IGF2R: variants seen among roughly 807,000 people sequenced by gnomAD.
IGF2R encodes insulin like growth factor 2 receptor, also known as cation-independent mannose-6-phosphate receptor.
IGF2R carries 91 observed loss-of-function variants against 270.6 expected under a neutral mutation model. The observed-to-expected ratio is 0.34, with a 90% confidence interval of 0.28 to 0.40. IGF2R has a LOEUF of 0.40. Ranked by LOEUF, IGF2R falls within the 10% of genes least tolerant of loss-of-function variation. The probability of loss-of-function intolerance (pLI) is 1.00; values close to 1 mark genes in which losing one functional copy is unlikely to be tolerated. For synonymous variants in IGF2R, 1,316 were observed against 1,258.9 expected, an observed-to-expected ratio of 1.05 and a Z score of -0.96; for missense variants, 2,805 against 3,188.3, an observed-to-expected ratio of 0.88 and a Z score of 2.90.
chr6:160,028,851 A>G (rs1443276092), intron 6 of IGF2R, among the ~76,000 whole-genome samples: 1 of 149,192 alleles, frequency 6.7e-6, no homozygotes, highest in Admixed American at 6.7e-5. Context: ...TAATTTTGTT[A>G]TCTCATTTAC....
chr6:160,010,811 G>A (rs755398484), intron 4 of IGF2R, 26 bp downstream of exon 4: 2 of 1,279,732 alleles, frequency 1.6e-6, no homozygotes, highest in South Asian at 1.2e-5. Flanking sequence ...CAAATTACAT[G>A]CTTATGAAGT....
rs532337618 is a variant in IGF2R, at chr6:159,987,176, T to C, written c.150-4008T>C. On this transcript the variant is annotated intron_variant, in intron 1 of 47. Transcript: ENST00000356956. ...CTTTAGTTTCAAACATGTGATTTCT[T>C]AAAACTTGTTGTCAGTTATTTATAC... 1.1e-4 allele frequency among the ~76,000 whole-genome samples: 16 copies of C among 152,358 alleles called. No individual in the cohort carries two copies. The South Asian group carries it at 3.3e-3, about 32-fold the overall frequency.
chr6:160,075,771 G>C, intron 35 of IGF2R, 76 bp from the exon 36 acceptor site: 2 of 1,496,512 alleles, frequency 1.3e-6, no homozygotes, highest in Non-Finnish European at 1.8e-6. Context: ...TTGCAATTCT[G>C]TATCAATTCT....
intron 22 of IGF2R, among the ~76,000 whole-genome samples, chr6:160,059,698 C>T (rs923537738): frequency 2.0e-4 from 31 of 152,200 alleles, no homozygotes; most frequent in Non-Finnish European, 3.5e-4. Flanking sequence ...ATGGGACGCC[C>T]GTGGGGGCTC....
Position 160,032,725 on chromosome 6 carries a change from C to T in IGF2R, c.1045+12C>T. ...TGCCCAGAGCGGAGGTAAGCAGGTG[C>T]TTTCTGCCTCCTGGCGCTGCTTAGG... On this transcript the variant is annotated intron_variant, in intron 8 of 47. Transcript: ENST00000356956. The T allele has an allele frequency of 6.2e-7, 1 of 1,612,496 alleles. No individual in the cohort carries two copies. Among genetic ancestry groups the T allele is most frequent in the Non-Finnish European group, 8.5e-7 (1 of 1,179,234 alleles).
At chr6:160,064,977 G>T in intron 29 of IGF2R, 76 bp downstream of exon 29, 1 of 939,666 alleles carries the variant, frequency 1.1e-6, no homozygotes. Flanking sequence ...AGTGGTCTTG[G>T]GTGCAGGGGA....
At chr6:160,043,419 T>G (rs1293353878) in intron 12 of IGF2R, 131 bp downstream of exon 12, 1 of 1,080,546 alleles carries the variant, frequency 9.3e-7, no homozygotes. Flanking sequence ...TGGTAAAAAT[T>G]TTTCATTCAT....
chr6:160,073,084 C>T (rs2115275562), intron 33 of IGF2R, 129 bp from the exon 34 acceptor site: 1 of 1,399,788 alleles, frequency 7.1e-7, no homozygotes. Context: ...ATGGTTAAAG[C>T]CGGATTGGAC....
chr6:160,061,602 A>C lies in IGF2R; in HGVS notation c.3362A>C (p.Tyr1121Ser). The stretch of plus-strand genomic sequence containing the variant: ...GTCGATGGGAGAAAGAGGACTTTCT[A>C]TTTGAGCGTTTGCAATCCTCTCCCT... Reference protein sequence around the residue: ...TSVDGRKRTFYLSVCNPLPYI... With the variant: ...TSVDGRKRTFSLSVCNPLPYI... Residue 1121 changes from tyrosine (Y) to serine (S), a missense_variant, in exon 24 of 48, where the codon TAT (tyrosine) becomes TCT (serine). Physicochemically the swap from Tyr to Ser is moderately radical, Grantham distance 144. Around this residue, in one of 2 missense-constraint regions of IGF2R, gnomAD observed 1,851 missense variants for 2,207.2 expected, o/e 0.84. Coordinates refer to ENST00000356956, the MANE Select transcript of IGF2R (RefSeq NM_000876.4). 6.2e-7 allele frequency: 1 copy of C among 1,614,114 alleles called. No homozygotes were observed. Among genetic ancestry groups the C allele is most frequent in the Non-Finnish European group, 8.5e-7 (1 of 1,179,990 alleles).
intron 44 of IGF2R, chr6:160,095,381 TAGAA>T (rs1779330813): frequency 1.3e-5 from 2 of 152,480 alleles, no homozygotes; most frequent in South Asian, 2.1e-4. Flanking sequence ...GTTTCCAAGT[TAGAA>T]AGATTAGTGT....
rs1779507864 is a variant in IGF2R, at chr6:160,102,477, A to T, written c.6843-42A>T. 4.4e-6 allele frequency: 7 copies of T among 1,594,056 alleles called. No individual in the cohort carries two copies. In the South Asian group the frequency reaches 7.8e-5, roughly 18 times the overall value. On this transcript the variant is annotated intron_variant, in intron 45 of 47. Coordinates refer to ENST00000356956, the MANE Select transcript of IGF2R (RefSeq NM_000876.4). The surrounding 1 kb of genome is among the most constrained non-coding windows in gnomAD (Gnocchi z 4.5). ...CTCAGGTTGTGGCTGTGGCAGCAGG[A>T]CCACCCTGTGACACGGCTCCTTTTC...
intron 10 of IGF2R, among the ~76,000 whole-genome samples, chr6:160,039,975 A>G (rs1279705206): frequency 6.6e-6 from 1 of 152,182 alleles, no homozygotes; most frequent in Admixed American, 6.5e-5. Context: ...ACAGAATTTC[A>G]GCACTGTTTG....
At chr6:160,078,597 C>T (rs375848913) in intron 37 of IGF2R, among the ~76,000 whole-genome samples, 3 of 152,168 alleles carry the variant, frequency 2.0e-5, no homozygotes, top group Non-Finnish European at 2.9e-5. Context: ...CTGCACTTAA[C>T]GCTTTTTGAT....
chr6:160,015,602 T>C (rs1476314299), intron 4 of IGF2R, among the ~76,000 whole-genome samples: 1 of 152,196 alleles, frequency 6.6e-6, no homozygotes, highest in Non-Finnish European at 1.5e-5. Context: ...GAAACTGTAC[T>C]GCAAAGATGT....
Position 160,050,150 on chromosome 6 carries a change from C to T in IGF2R, c.2515-323C>T, listed in dbSNP as rs551744363. On this transcript the variant is annotated intron_variant, in intron 18 of 47. Transcript: ENST00000356956. This position sits in a 1 kb window ranked among gnomAD's most constrained non-coding sequence, Gnocchi z 4.0. ...ATCTTACACGATTATTGAACGAAAG[C>T]CTTATGATTCCAATGCCAGTGATTC... Among the ~76,000 whole-genome samples the T allele has an allele frequency of 5.3e-5, 8 of 152,192 alleles. No homozygotes were observed. Among genetic ancestry groups the T allele is most frequent in the East Asian group, 1.9e-4 (1 of 5,196 alleles).
At position 160,064,828 on chromosome 6, in the gene IGF2R, G is replaced by A. The variant is rs764026914; in HGVS notation, c.4042G>A (p.Asp1348Asn). 1 of 1,613,534 alleles carries A rather than the reference G, an allele frequency of 6.2e-7. No individual in the cohort carries two copies. Among genetic ancestry groups the A allele is most frequent in the South Asian group, 1.1e-5 (1 of 91,072 alleles). ...GCCAGTATTTCTAAAGGAGACTTCAGATTGTTCCTACTTGTTTGAGTGGCG... is the reference window on the plus strand; with the variant it reads ...GCCAGTATTTCTAAAGGAGACTTCAAATTGTTCCTACTTGTTTGAGTGGCG... ...QRPVFLKETS[D>N]CSYLFEWRTQ... The change falls in exon 29 of 48, where the codon GAT (aspartate) becomes AAT (asparagine). Residue 1348 changes from aspartate to asparagine, a missense_variant. Asp to Asn is a conservative substitution (Grantham distance 23, BLOSUM62 1). This residue lies in a region of IGF2R where 1,851 missense variants were observed against 2,207.2 expected (regional missense o/e 0.84). Coordinates refer to ENST00000356956, the MANE Select transcript of IGF2R (RefSeq NM_000876.4).
rs1252303035 is a variant in IGF2R at position 160,107,131 on chromosome 6, C to A, written c.*2047C>A. The A allele has an allele frequency of 6.6e-6, 1 of 152,182 alleles. No homozygotes were observed. Among genetic ancestry groups the A allele is most frequent in the Non-Finnish European group, 1.5e-5 (1 of 68,032 alleles). The allele number at this position is 152,182 out of a possible 1,614,324, so 9.4% of individuals were successfully genotyped here. ...TAAAAAAGTTATTCTTAAGGACTTT[C>A]CAATACCTCTCCTGAGGAAGACATG... is the stretch of plus-strand genomic sequence containing the variant. On this transcript the variant is annotated 3_prime_UTR_variant, in exon 48 of 48. Coordinates refer to ENST00000356956, the MANE Select transcript of IGF2R (RefSeq NM_000876.4).
Position 160,034,481 on chromosome 6 carries a change from A to C in IGF2R, c.1274A>C (p.Gln425Pro). The C allele has an allele frequency of 6.2e-7, 1 of 1,611,828 alleles. No individual in the cohort carries two copies. The highest frequency in any genetic ancestry group is 8.5e-7 in the Non-Finnish European group (1 of 1,177,936). The change falls in exon 10 of 48, where the codon CAG (glutamine) becomes CCG (proline). Residue 425 changes from glutamine (Q) to proline (P), a missense_variant. Gln to Pro is a moderately conservative substitution (Grantham distance 76, BLOSUM62 -1). Around this residue, in one of 2 missense-constraint regions of IGF2R, gnomAD observed 954 missense variants for 981.1 expected, o/e 0.97. Coordinates refer to ENST00000356956, the MANE Select transcript of IGF2R (RefSeq NM_000876.4). ...GGTGATGAATGCAGCTCAGGGTTTC[A>C]GCGGATGAGCGTCATAAACTTTGAG... Reference protein sequence around the residue: ...FGGDECSSGFQRMSVINFECN... With the variant: ...FGGDECSSGFPRMSVINFECN...
intron 45 of IGF2R, among the ~76,000 whole-genome samples, chr6:160,100,041 G>T (rs1392585610): frequency 6.6e-6 from 1 of 152,076 alleles, no homozygotes; most frequent in African/African-American, 2.4e-5. Flanking sequence ...CAGCGGAGAA[G>T]AAAAGGAGAA....
Sources: gnomAD v4.1 joint callset for allele counts (sites outside exome capture counted in the v4.1 genomes callset) on GRCh38, gnomAD v4.1.1 for gene constraint, gnomAD v4.1.1 regional missense constraint, Gnocchi (gnomAD v3.1) non-coding constraint, MANE v1.5 for transcripts, NCBI Gene and HGNC (gene_info 2026-07-23, HGNC 2026-07-21) for gene names.